The following CDC42EP2 variants were observed in gnomAD, a reference collection of about 807,000 sequenced individuals.
CDC42EP2 encodes CDC42 effector protein 2.
A neutral mutation model predicts 7.3 loss-of-function variants in CDC42EP2; 5 were observed. That is an observed-to-expected ratio of 0.68 (90% CI 0.36 to 1.44). The LOEUF is 1.44. Ranked by LOEUF, CDC42EP2 falls within the 40% of genes most tolerant of loss-of-function variation. The pLI is 0.04. For missense variants in CDC42EP2, 251 were observed against 282.6 expected (o/e 0.89, Z 0.80); for synonymous variants, 113 against 123.6 (o/e 0.91, Z 0.57).
Position 65,321,785 on chromosome 11 carries a change from T to A in CDC42EP2, c.*254T>A. The A allele has an allele frequency of 2.2e-6, 1 of 463,838 alleles. No homozygotes were observed. The highest frequency in any genetic ancestry group is 4.0e-6 in the Non-Finnish European group (1 of 248,622). The allele number at this position is 463,838 out of a possible 1,614,324, so 28.7% of individuals were successfully genotyped here. On this transcript the variant is annotated 3_prime_UTR_variant, in exon 2 of 2. Transcript: ENST00000279249. This position sits in a 1 kb window ranked among gnomAD's most constrained non-coding sequence, Gnocchi z 4.4. ...GGCGCCCTGAGCATCTTGGGGCACC[T>A]GGACCCCATCACAATACTCCTTCTT...
chr11:65,315,504 A>G lies in CDC42EP2; in HGVS notation c.-356+550A>G, dbSNP rs1406347918. Among the ~76,000 whole-genome samples, 2 of 152,232 alleles carry G rather than the reference A, an allele frequency of 1.3e-5. No individual in the cohort carries two copies. The highest frequency in any genetic ancestry group is 4.8e-5 in the African/African-American group (2 of 41,468). On this transcript the variant is annotated intron_variant, in intron 1 of 1. Transcript: ENST00000279249. This position sits in a 1 kb window ranked among gnomAD's most constrained non-coding sequence, Gnocchi z 4.1. ...TAGGACATCGCCCAGGCCGGAAAGC[A>G]CAGGGGGGAGGCTCCTCCCAGAGCT...
Position 65,318,713 on chromosome 11 carries a change from G to A in CDC42EP2, c.-355-1831G>A, listed in dbSNP as rs868415405. Reference sequence around the variant, plus strand: ...GCTGGGATTACAGGCGTGAACCACCGCGCCCGGCCTAACACCTGGCTAATT... The same window carrying A: ...GCTGGGATTACAGGCGTGAACCACCACGCCCGGCCTAACACCTGGCTAATT... On this transcript the variant is annotated intron_variant, in intron 1 of 1. Transcript: ENST00000279249. 4.6e-5 allele frequency among the ~76,000 whole-genome samples: 7 copies of A among 151,424 alleles called. No individual in the cohort carries two copies. The South Asian group carries it at 1.0e-3, about 23-fold the overall frequency.
rs1020318483 is a variant in CDC42EP2, at chr11:65,320,679, T to C, written c.-220T>C. The C allele has an allele frequency of 1.8e-6, 1 of 549,396 alleles. No individual in the cohort carries two copies. The highest frequency in any genetic ancestry group is 3.2e-6 in the Non-Finnish European group (1 of 307,764). 34.0% of individuals were successfully genotyped at this position (549,396 alleles called of 1,614,324 possible). On this transcript the variant is annotated 5_prime_UTR_variant, in exon 2 of 2. Transcript: ENST00000279249. Reference sequence around the variant, plus strand: ...TCCTTTGGGGAGAACGTGATTTTTGTTATCTCAGCCCACTGACTTCATTGA... The same window carrying C: ...TCCTTTGGGGAGAACGTGATTTTTGCTATCTCAGCCCACTGACTTCATTGA...
chr11:65,318,886 TTTTTTTTTTTTTTTTTTTTTTG>T (rs1949960882), intron 1 of CDC42EP2, among the ~76,000 whole-genome samples: 1 of 128,980 alleles, frequency 7.8e-6, no homozygotes, highest in African/African-American at 3.2e-5. Context: ...TTTTTTTTTT[TTTTTTTTTTTTTTTTTTTTTTG>T]TATAGGACAG....
At chr11:65,318,734 TA>T (rs1177442101) in intron 1 of CDC42EP2, among the ~76,000 whole-genome samples, 2 of 151,530 alleles carry the variant, frequency 1.3e-5, no homozygotes, top group African/African-American at 4.9e-5. Flanking sequence ...AACACCTGGC[TA>T]ATTTTTGTAT....
chr11:65,320,136 C>A (rs1284123410), intron 1 of CDC42EP2, among the ~76,000 whole-genome samples: 1 of 152,088 alleles, frequency 6.6e-6, no homozygotes, highest in Non-Finnish European at 1.5e-5. Flanking sequence ...TGCCCCACCC[C>A]CTCAGGATCC....
At chr11:65,319,820 AGTCAAG>A (rs2137657517) in intron 1 of CDC42EP2, among the ~76,000 whole-genome samples, 1 of 152,288 alleles carries the variant, frequency 6.6e-6, no homozygotes, top group African/African-American at 2.4e-5. Context: ...TCAAGTAGGG[AGTCAAG>A]GCCATTTGTG....
chr11:65,321,600 T>G lies in CDC42EP2; in HGVS notation c.*69T>G. ...AGGAGGTGGGGTGTGGACCCGGCCC[T>G]GGCGGCGGAGTCAGGGTCCCAAGAT... On this transcript the variant is annotated 3_prime_UTR_variant, in exon 2 of 2. Transcript: ENST00000279249. The surrounding 1 kb of genome is among the most constrained non-coding windows in gnomAD (Gnocchi z 4.4). 2 of 1,459,120 alleles carry G rather than the reference T, an allele frequency of 1.4e-6. No homozygotes were observed. The highest frequency in any genetic ancestry group is 1.9e-6 in the Non-Finnish European group (2 of 1,077,536). The allele number at this position is 1,459,120 out of a possible 1,614,324, so 90.4% of individuals were successfully genotyped here.
Position 65,321,212 on chromosome 11 carries a change from A to G in CDC42EP2, c.314A>G (p.Lys105Arg), listed in dbSNP as rs1211134806. The G allele has an allele frequency of 6.2e-6, 10 of 1,613,766 alleles. No homozygotes were observed. The highest frequency in any genetic ancestry group is 3.3e-4 in the Middle Eastern group (2 of 6,084). The change falls in exon 2 of 2, where the codon AAG becomes AGG. Residue 105 changes from lysine (K) to arginine (R), a missense_variant. Physicochemically the swap from Lys to Arg is conservative, Grantham distance 26. Transcript: ENST00000279249. This position sits in a 1 kb window ranked among gnomAD's most constrained non-coding sequence, Gnocchi z 4.4. ...ELPDGPSPLL[K>R]NAISLPVIGG... Reference sequence around the variant, plus strand: ...CCGGACGGCCCATCCCCTCTGCTCAAGAACGCCATCTCCCTCCCGGTTATC... The same window carrying G: ...CCGGACGGCCCATCCCCTCTGCTCAGGAACGCCATCTCCCTCCCGGTTATC...
intron 1 of CDC42EP2, among the ~76,000 whole-genome samples, chr11:65,318,421 A>ATTTTTTT (rs1279340276): frequency 8.8e-6 from 1 of 114,078 alleles, no homozygotes; most frequent in African/African-American, 3.6e-5. Flanking sequence ...CACCTGGCAA[A>ATTTTTTT]TTTTTTTTTT....
In CDC42EP2 at chr11:65,321,412, C is replaced by T; in HGVS notation, c.514C>T (p.Pro172Ser). Residue 172 changes from proline to serine, a missense_variant, in exon 2 of 2, where the codon CCC (proline) becomes TCC (serine). By Grantham distance (74) the Pro-to-Ser change is moderately conservative. Transcript: ENST00000279249. The surrounding 1 kb of genome is among the most constrained non-coding windows in gnomAD (Gnocchi z 4.4). ...GACCCCGGAGTCAGGGGCCGAGGAGCCCTTCCTGTCCAATGCCAGCTCCCT... is the reference window on the plus strand; with the variant it reads ...GACCCCGGAGTCAGGGGCCGAGGAGTCCTTCCTGTCCAATGCCAGCTCCCT... ...GLTPESGAEE[P>S]FLSNASSLLS... is the part of the protein sequence containing the mutation. The T allele has an allele frequency of 6.2e-7, 1 of 1,613,710 alleles. No homozygotes were observed. Among genetic ancestry groups the T allele is most frequent in the Non-Finnish European group, 8.5e-7 (1 of 1,180,018 alleles).
chr11:65,321,631 CTGTA>C lies in CDC42EP2; in HGVS notation c.*103_*106del. 9.0e-7 allele frequency: 1 copy of C among 1,116,916 alleles called. No homozygotes were observed. The highest frequency in any genetic ancestry group is 1.3e-6 in the Non-Finnish European group (1 of 773,080). 69.2% of individuals were successfully genotyped at this position (1,116,916 alleles called of 1,614,324 possible). ...CGGAGTCAGGGTCCCAAGATCCCAC[CTGTA>C]TGGTCGCTGGCCAGTGATTCTCCTT... On this transcript the variant is annotated 3_prime_UTR_variant, in exon 2 of 2. Transcript: ENST00000279249. This position sits in a 1 kb window ranked among gnomAD's most constrained non-coding sequence, Gnocchi z 4.4.
chr11:65,318,073 CTGTG>C (rs957533535), intron 1 of CDC42EP2, among the ~76,000 whole-genome samples: 14 of 150,316 alleles, frequency 9.3e-5, no homozygotes, highest in Non-Finnish European at 1.6e-4. Context: ...AGATTTTTCT[CTGTG>C]TTTTAAATTT....
Position 65,321,629 on chromosome 11 carries a change from A to C in CDC42EP2, c.*98A>C. ...GGCGGAGTCAGGGTCCCAAGATCCC[A>C]CCTGTATGGTCGCTGGCCAGTGATT... On this transcript the variant is annotated 3_prime_UTR_variant, in exon 2 of 2. Transcript: ENST00000279249. This position sits in a 1 kb window ranked among gnomAD's most constrained non-coding sequence, Gnocchi z 4.4. 8.8e-7 allele frequency: 1 copy of C among 1,132,712 alleles called. No individual in the cohort carries two copies. 70.2% of individuals were successfully genotyped at this position (1,132,712 alleles called of 1,614,324 possible).
chr11:65,321,335 G>GGAGT lies in CDC42EP2; in HGVS notation c.439_442dup (p.Val148GlufsTer48). The GGAGT allele has an allele frequency of 6.2e-7, 1 of 1,613,962 alleles. No individual in the cohort carries two copies. The highest frequency in any genetic ancestry group is 1.7e-5 in the Admixed American group (1 of 60,014). On this transcript the variant is annotated frameshift_variant, in exon 2 of 2. Coordinates refer to ENST00000279249, the MANE Select transcript of CDC42EP2 (RefSeq NM_006779.4). LOFTEE classifies it high-confidence loss of function. The surrounding 1 kb of genome is among the most constrained non-coding windows in gnomAD (Gnocchi z 4.4). The stretch of plus-strand genomic sequence containing the variant: ...CCTCAGCCTTCCCCACAGGAGGGAG[G>GGAGT]GAGTGTGGACATCTGGAGGATTCCA...
intron 1 of CDC42EP2, among the ~76,000 whole-genome samples, chr11:65,318,287 C>G (rs1266196837): frequency 6.6e-6 from 1 of 150,698 alleles, no homozygotes; most frequent in Non-Finnish European, 1.5e-5. Context: ...CGGAGACTCT[C>G]TCTGTTGCCC....
In CDC42EP2 at chr11:65,318,555, C is replaced by G. The variant is rs562027221; in HGVS notation, c.-355-1989C>G. On this transcript the variant is annotated intron_variant, in intron 1 of 1. Transcript: ENST00000279249. Reference sequence around the variant, plus strand: ...TCTCCTGCCTCAGCCTTCCGAGTAGCTGGGACTACAGGCGCCAGCCACCAT... The same window carrying G: ...TCTCCTGCCTCAGCCTTCCGAGTAGGTGGGACTACAGGCGCCAGCCACCAT... Among the ~76,000 whole-genome samples, 21 of 152,028 alleles carry G rather than the reference C, an allele frequency of 1.4e-4. No homozygotes were observed. In the South Asian group the frequency reaches 4.2e-3, roughly 30 times the overall value.
At position 65,315,768 on chromosome 11, in the gene CDC42EP2, G is replaced by A. The variant is rs1036738416; in HGVS notation, c.-356+814G>A. Among the ~76,000 whole-genome samples, 9 of 152,210 alleles carry A rather than the reference G, an allele frequency of 5.9e-5. No individual in the cohort carries two copies. Among genetic ancestry groups the A allele is most frequent in the South Asian group, 2.1e-4 (1 of 4,830 alleles). ...CGCCACCTGGCGGCCGCGGAGCCGG[G>A]CACCTCTCCGGAGGCACCGGGACCC... On this transcript the variant is annotated intron_variant, in intron 1 of 1. Coordinates refer to ENST00000279249, the MANE Select transcript of CDC42EP2 (RefSeq NM_006779.4). The surrounding 1 kb of genome is among the most constrained non-coding windows in gnomAD (Gnocchi z 4.1).
At chr11:65,318,754 G>C (rs965907239) in intron 1 of CDC42EP2, among the ~76,000 whole-genome samples, 4 of 150,218 alleles carry the variant, frequency 2.7e-5, no homozygotes, top group African/African-American at 7.3e-5. Flanking sequence ...ATATTTAGTA[G>C]AGATGGGGTC....
Sources: allele counts gnomAD v4.1 joint callset (sites outside exome capture counted in the v4.1 genomes callset), GRCh38; gene constraint gnomAD v4.1.1; non-coding constraint Gnocchi (gnomAD v3.1); transcripts MANE v1.5; gene names NCBI Gene and HGNC (gene_info 2026-07-23, HGNC 2026-07-21).